PACS1: variants seen among roughly 807,000 people sequenced by gnomAD.
The protein encoded by PACS1 is PACS-1.
Under a neutral mutation model 115.0 loss-of-function variants are expected in PACS1, and 24 were observed. The ratio of observed to expected loss-of-function variants is 0.21; its 90% confidence interval spans 0.15 to 0.29. The LOEUF is 0.29. Among genes scored for constraint, PACS1 ranks in the 10% least tolerant of loss-of-function variants. PACS1 has a pLI of 1.00. For synonymous variants in PACS1, 453 were observed against 504.5 expected, an observed-to-expected ratio of 0.90 and a Z score of 1.37; for missense variants, 838 against 1,251.2, an observed-to-expected ratio of 0.67 and a Z score of 4.98.
At chr11:66,170,007 G>C (rs1386331278) in intron 1 of PACS1, among the ~76,000 whole-genome samples, 1 of 150,572 alleles carries the variant, frequency 6.6e-6, no homozygotes, top group Non-Finnish European at 1.5e-5. Context: ...AATAGTTGTA[G>C]AAACTTTCAG....
rs556642642 is a variant in PACS1 at position 66,164,237 on chromosome 11, AT to A, written c.357-29246del. ...GCTTTCGAACTCTACAGAGTTAATG[AT>A]TTCTTCCATGTGCGTTTTTCAGTTC... is the stretch of plus-strand genomic sequence containing the variant. On this transcript the variant is annotated intron_variant, in intron 1 of 23. Transcript: ENST00000320580. Among the ~76,000 whole-genome samples the A allele has an allele frequency of 1.9e-4, 29 of 152,108 alleles. No individual in the cohort carries two copies. In the South Asian group the frequency reaches 4.8e-3, roughly 25 times the overall value.
chr11:66,202,742 A>AAATATATATAT (rs1200930188), intron 2 of PACS1, among the ~76,000 whole-genome samples: 2 of 71,648 alleles, frequency 2.8e-5, no homozygotes, highest in African/African-American at 8.0e-5. Context: ...AAAAAAAAAA[A>AAATATATATAT]ATATATATAT....
intron 1 of PACS1, among the ~76,000 whole-genome samples, chr11:66,162,344 A>T (rs1859509469): frequency 6.6e-6 from 1 of 151,370 alleles, no homozygotes; most frequent in Admixed American, 6.6e-5. Flanking sequence ...CTGGTCTAGA[A>T]CTCCTGACCT....
rs751638632 is a variant in PACS1, at chr11:66,239,153, G to A, written c.2305G>A (p.Asp769Asn). ...DSPSTAGDGD[D>N]SPVVSLTVPS... Reference sequence around the variant, plus strand: ...TTGTCCCCTGACAGGCGATGGGGACGATTCTCCTGTGGTCAGCCTTACTGT... The same window carrying A: ...TTGTCCCCTGACAGGCGATGGGGACAATTCTCCTGTGGTCAGCCTTACTGT... The change falls in exon 21 of 24, where the codon GAT becomes AAT. Residue 769 changes from aspartate (D) to asparagine (N), a missense_variant. Physicochemically the swap from Asp to Asn is conservative, Grantham distance 23 (BLOSUM62 1). This residue lies in a region of PACS1 where 383 missense variants were observed against 537.0 expected (regional missense o/e 0.71). Transcript: ENST00000320580. The A allele has an allele frequency of 1.2e-6, 2 of 1,614,154 alleles. No individual in the cohort carries two copies. The highest frequency in any genetic ancestry group is 2.2e-5 in the South Asian group (2 of 91,092).
intron 1 of PACS1, 47 bp from the exon 2 acceptor site, chr11:66,193,439 C>A (rs17147391): frequency 1.5e-6 from 2 of 1,335,058 alleles, no homozygotes; most frequent in East Asian, 2.3e-5. Flanking sequence ...TCACTTTTCT[C>A]GCAAGTTCCT....
chr11:66,074,941 G>GTTTTTTTTTTTTTT (rs71036269), intron 1 of PACS1, among the ~76,000 whole-genome samples: 2 of 114,224 alleles, frequency 1.8e-5, no homozygotes, highest in Non-Finnish European at 3.3e-5. Context: ...TTTTTTTGGT[G>GTTTTTTTTTTTTTT]TTTTTTTTTT....
At chr11:66,071,663 C>T (rs984050135) in intron 1 of PACS1, among the ~76,000 whole-genome samples, 1 of 152,156 alleles carries the variant, frequency 6.6e-6, no homozygotes, top group African/African-American at 2.4e-5. Flanking sequence ...TTGAATAAGA[C>T]GGTGTGTGGA....
chr11:66,141,413 A>T (rs536949083), intron 1 of PACS1, among the ~76,000 whole-genome samples: 3 of 152,194 alleles, frequency 2.0e-5, no homozygotes, highest in Non-Finnish European at 4.4e-5. Context: ...CAGCAGTTTC[A>T]GATACCAAGG....
intron 1 of PACS1, among the ~76,000 whole-genome samples, chr11:66,102,304 C>CTATCAT (rs1565106971): frequency 2.0e-5 from 3 of 150,392 alleles, no homozygotes; most frequent in African/African-American, 7.4e-5. Context: ...ATCGGATTTA[C>CTATCAT]TATTATTATT....
At chr11:66,098,951 C>A (rs1857846917) in intron 1 of PACS1, among the ~76,000 whole-genome samples, 1 of 152,120 alleles carries the variant, frequency 6.6e-6, no homozygotes, top group Admixed American at 6.6e-5. Flanking sequence ...CTGTTGTTGG[C>A]CCTCATCACC....
intron 1 of PACS1, among the ~76,000 whole-genome samples, chr11:66,184,802 C>T (rs1036903991): frequency 3.3e-5 from 5 of 152,182 alleles, no homozygotes; most frequent in African/African-American, 1.2e-4. Flanking sequence ...AGATTATGCC[C>T]ATTTTTTTCT....
intron 1 of PACS1, among the ~76,000 whole-genome samples, chr11:66,102,734 A>G (rs571002294): frequency 3.9e-4 from 60 of 152,324 alleles, no homozygotes; most frequent in Non-Finnish European, 7.5e-4. Flanking sequence ...CACTGGCTGT[A>G]GGAAAATTGA....
chr11:66,096,317 C>T (rs1345754476), intron 1 of PACS1, among the ~76,000 whole-genome samples: 1 of 150,682 alleles, frequency 6.6e-6, no homozygotes, highest in Non-Finnish European at 1.5e-5. Flanking sequence ...TCAAGTGATC[C>T]ACCTGCCTCA....
At chr11:66,109,234 G>A (rs1396394460) in intron 1 of PACS1, among the ~76,000 whole-genome samples, 2 of 152,176 alleles carry the variant, frequency 1.3e-5, no homozygotes, top group Non-Finnish European at 2.9e-5. Flanking sequence ...AGTACCTGGG[G>A]ATGGATGGAT....
At chr11:66,241,362 ATC>A in intron 21 of PACS1, 63 bp from the exon 22 acceptor site, 5 of 1,294,446 alleles carry the variant, frequency 3.9e-6, no homozygotes, top group Non-Finnish European at 5.4e-6. Flanking sequence ...CCCCTACCCC[ATC>A]AGGCCTATGT....
In PACS1 at chr11:66,198,519, T is replaced by C. The variant is rs180697570; in HGVS notation, c.444+4946T>C. On this transcript the variant is annotated intron_variant, in intron 2 of 23. Coordinates refer to ENST00000320580, the MANE Select transcript of PACS1 (RefSeq NM_018026.4). ...AAGCAAGACACAAAAAACCACATAT[T>C]GTATGATTCCATTTATATGAAATAG... is the stretch of plus-strand genomic sequence containing the variant. 3.3e-3 allele frequency among the ~76,000 whole-genome samples: 502 copies of C among 151,876 alleles called. 3 individuals carry two copies. Among genetic ancestry groups the C allele is most frequent in the African/African-American group, 0.011 (460 of 41,400 alleles).
intron 10 of PACS1, among the ~76,000 whole-genome samples, chr11:66,224,734 T>C (rs1302847144): frequency 6.6e-6 from 1 of 152,178 alleles, no homozygotes; most frequent in Non-Finnish European, 1.5e-5. Context: ...AAAGGCGCTT[T>C]GGGAACAGCA....
intron 19 of PACS1, among the ~76,000 whole-genome samples, chr11:66,237,590 C>A (rs1236006234): frequency 2.0e-5 from 3 of 152,224 alleles, no homozygotes; most frequent in African/African-American, 7.2e-5. Context: ...CCCCGGTTAG[C>A]CCCTGGGCTG....
At chr11:66,166,711 G>A (rs1422320458) in intron 1 of PACS1, among the ~76,000 whole-genome samples, 1 of 150,402 alleles carries the variant, frequency 6.6e-6, no homozygotes, top group Admixed American at 6.6e-5. Flanking sequence ...TGAATTTACA[G>A]GTTTGTCTAC....
Sources: gnomAD v4.1 joint callset for allele counts (sites outside exome capture counted in the v4.1 genomes callset) on GRCh38, gnomAD v4.1.1 for gene constraint, gnomAD v4.1.1 regional missense constraint, MANE v1.5 for transcripts, NCBI Gene and HGNC (gene_info 2026-07-23, HGNC 2026-07-21) for gene names.